The following ARID5B variants were observed in gnomAD, a reference collection of about 807,000 sequenced individuals.
The protein encoded by ARID5B is AT-rich interactive domain-containing protein 5B.
In ARID5B, 13 loss-of-function variants were observed where a neutral mutation model predicts 97.2. That is an observed-to-expected ratio of 0.13 (90% confidence interval 0.09 to 0.21). The LOEUF is 0.21. Among genes scored for constraint, ARID5B ranks in the 10% least tolerant of loss-of-function variants. The pLI, the probability that ARID5B is intolerant of heterozygous loss-of-function variation, is 1.00. For missense variants in ARID5B, 1,210 were observed against 1,465.3 expected (o/e 0.83, Z 2.84); for synonymous variants, 556 against 570.3 (o/e 0.97, Z 0.36).
chr10:61,972,343 T>C (rs1279875926), intron 3 of ARID5B, among the ~76,000 whole-genome samples: 1 of 149,980 alleles, frequency 6.7e-6, no homozygotes, highest in Non-Finnish European at 1.5e-5. Flanking sequence ...TTCTCCTGCC[T>C]CAGCCTCCTG....
chr10:62,087,026 C>T (rs770454186), intron 9 of ARID5B, among the ~76,000 whole-genome samples: 4 of 151,776 alleles, frequency 2.6e-5, no homozygotes, highest in African/African-American at 4.8e-5. Context: ...TGTGGCCGGG[C>T]GCGGTGGCTC....
intron 9 of ARID5B, among the ~76,000 whole-genome samples, chr10:62,087,710 C>T (rs1218171218): frequency 6.6e-6 from 1 of 152,148 alleles, no homozygotes; most frequent in African/African-American, 2.4e-5. Context: ...CACGCACCAA[C>T]CTCCCATCTA....
chr10:61,921,944 C>T (rs907629852), intron 2 of ARID5B, among the ~76,000 whole-genome samples: 1 of 152,164 alleles, frequency 6.6e-6, no homozygotes, highest in African/African-American at 2.4e-5. Flanking sequence ...CTGGCTCAAG[C>T]GATCCTCCCA....
chr10:62,027,220 A>G (rs1194220380), intron 4 of ARID5B, among the ~76,000 whole-genome samples: 1 of 144,662 alleles, frequency 6.9e-6, no homozygotes, highest in Non-Finnish European at 1.5e-5. Context: ...GAATCTGTCC[A>G]ACTCCTGGAG....
intron 4 of ARID5B, among the ~76,000 whole-genome samples, chr10:62,040,575 A>T (rs527768724): frequency 6.6e-6 from 1 of 152,318 alleles, no homozygotes; most frequent in East Asian, 1.9e-4. Flanking sequence ...ATCGCCCAAG[A>T]GAAAGATAAT....
intron 2 of ARID5B, among the ~76,000 whole-genome samples, chr10:61,935,303 A>G (rs10994973): frequency 6.6e-6 from 1 of 152,200 alleles, no homozygotes; most frequent in South Asian, 2.1e-4. Flanking sequence ...ATTGAAACAA[A>G]CCAGATGTCC....
chr10:61,986,756 A>G (rs778816422), intron 3 of ARID5B, among the ~76,000 whole-genome samples: 2 of 152,162 alleles, frequency 1.3e-5, no homozygotes, highest in Admixed American at 6.6e-5. Flanking sequence ...TTCTCAAGGA[A>G]CTAGTGTTCC....
In ARID5B at chr10:62,091,951, G is replaced by C. The variant is rs1840382176; in HGVS notation, c.2488G>C (p.Asp830His). ...TTCCCACATGCCTAGCTTCCTGGCTGACTTCTACTCGTCCCCTCATCTCCA... is the reference window on the plus strand; with the variant it reads ...TTCCCACATGCCTAGCTTCCTGGCTCACTTCTACTCGTCCCCTCATCTCCA... ...PHSHMPSFLA[D>H]FYSSPHLHSL... Residue 830 changes from aspartate to histidine, a missense_variant, in exon 10 of 10, where the codon GAC becomes CAC. By Grantham distance (81) the Asp-to-His change is moderately conservative (BLOSUM62 -1). Around this residue, in one of 8 missense-constraint regions of ARID5B, gnomAD observed 800 missense variants for 839.1 expected, o/e 0.95. Coordinates refer to ENST00000279873, the MANE Select transcript of ARID5B (RefSeq NM_032199.3). 1.9e-6 allele frequency: 3 copies of C among 1,613,408 alleles called. No homozygotes were observed. Among genetic ancestry groups the C allele is most frequent in the Non-Finnish European group, 2.5e-6 (3 of 1,179,794 alleles).
rs1840469408 is a variant in ARID5B, at chr10:62,096,306, T to C, written c.*3276T>C. On this transcript the variant is annotated 3_prime_UTR_variant, in exon 10 of 10. Transcript: ENST00000279873. ...ATTTCGAGGTGGTCCCACAAAAATA[T>C]TTTATGTAGTGTGCCTTCAAAGAGA... 1 of 233,578 alleles carries C rather than the reference T, an allele frequency of 4.3e-6. No homozygotes were observed. Among genetic ancestry groups the C allele is most frequent in the African/African-American group, 2.2e-5 (1 of 45,350 alleles). The allele number at this position is 233,578 out of a possible 1,614,324, so 14.5% of individuals were successfully genotyped here. A position where few individuals can be genotyped will look rare whatever the true frequency, so the allele number is the denominator to read the frequency against.
intron 2 of ARID5B, among the ~76,000 whole-genome samples, chr10:61,929,238 A>G (rs1182775545): frequency 1.3e-5 from 2 of 152,206 alleles, no homozygotes; most frequent in African/African-American, 2.4e-5. Context: ...TTGTGTTCCC[A>G]ACATTTATCA....
chr10:61,998,868 T>G (rs1224292691), intron 3 of ARID5B, among the ~76,000 whole-genome samples: 2 of 152,192 alleles, frequency 1.3e-5, no homozygotes, highest in African/African-American at 2.4e-5. Flanking sequence ...AAATCACCAC[T>G]GCTTTAGAAC....
chr10:61,958,145 G>A (rs912290704), intron 3 of ARID5B, among the ~76,000 whole-genome samples: 4 of 151,652 alleles, frequency 2.6e-5, no homozygotes, highest in Non-Finnish European at 5.9e-5. Flanking sequence ...CATGGATGAA[G>A]GCGTAAGCAG....
chr10:61,967,020 G>C (rs967508403), intron 3 of ARID5B, among the ~76,000 whole-genome samples: 2 of 151,950 alleles, frequency 1.3e-5, no homozygotes, highest in African/African-American at 2.4e-5. Context: ...TCAGAAAACC[G>C]GGCCTTTTTT....
chr10:62,068,316 G>A (rs574710980), intron 7 of ARID5B, among the ~76,000 whole-genome samples: 4 of 152,174 alleles, frequency 2.6e-5, no homozygotes, highest in Admixed American at 1.3e-4. Context: ...TATTGAAACC[G>A]ATTGGTGCAA....
At chr10:61,974,804 G>T (rs1319447891) in intron 3 of ARID5B, among the ~76,000 whole-genome samples, 1 of 152,118 alleles carries the variant, frequency 6.6e-6, no homozygotes, top group East Asian at 1.9e-4. Context: ...TGTAAATCGT[G>T]AGTTGAAATA....
chr10:62,023,428 C>G (rs1386338786), intron 4 of ARID5B, among the ~76,000 whole-genome samples: 1 of 152,184 alleles, frequency 6.6e-6, no homozygotes, highest in Non-Finnish European at 1.5e-5. Flanking sequence ...TGAGTCTTCT[C>G]ACACCAACTG....
At chr10:62,028,088 C>T (rs1380701811) in intron 4 of ARID5B, among the ~76,000 whole-genome samples, 1 of 152,180 alleles carries the variant, frequency 6.6e-6, no homozygotes, top group Non-Finnish European at 1.5e-5. Flanking sequence ...CTTGATTCTG[C>T]GTCCCTGGAA....
At position 62,092,364 on chromosome 10, in the gene ARID5B, A is replaced by T; in HGVS notation, c.2901A>T (p.Lys967Asn). The T allele has an allele frequency of 6.2e-7, 1 of 1,614,214 alleles. No homozygotes were observed. Among genetic ancestry groups the T allele is most frequent in the Non-Finnish European group, 8.5e-7 (1 of 1,180,030 alleles). Residue 967 changes from lysine (K) to asparagine (N), a missense_variant, in exon 10 of 10, where the codon AAA becomes AAT. Physicochemically the swap from Lys to Asn is moderately conservative, Grantham distance 94. Transcript: ENST00000279873. ...CCATGACCATGTCAGGCCCTAAAAA[A>T]TACCCTGAATCGCTTTCAAGATCAG... The part of the protein sequence containing the change: ...VSPMTMSGPK[K>N]YPESLSRSGK...
At chr10:61,999,394 C>G (rs1839045543) in intron 3 of ARID5B, among the ~76,000 whole-genome samples, 1 of 152,196 alleles carries the variant, frequency 6.6e-6, no homozygotes, top group South Asian at 2.1e-4. Flanking sequence ...ACATAGCTTT[C>G]CTAGCCTACC....
Sources: allele counts gnomAD v4.1 joint callset (sites outside exome capture counted in the v4.1 genomes callset), GRCh38; gene constraint gnomAD v4.1.1; regional missense constraint gnomAD v4.1.1; transcripts MANE v1.5; gene names NCBI Gene and HGNC (gene_info 2026-07-23, HGNC 2026-07-21).